ASB11: variants seen among roughly 807,000 people sequenced by gnomAD.
ASB11 encodes the protein ankyrin repeat and SOCS box containing 11, also known as ankyrin repeat and SOCS box protein 11.
In ASB11, 17 loss-of-function variants were observed where a neutral mutation model predicts 20.1. That is an observed-to-expected ratio of 0.85 (90% confidence interval 0.58 to 1.27). ASB11 has a LOEUF of 1.27. Ranked by LOEUF, ASB11 falls within the 50% of genes most tolerant of loss-of-function variation. The pLI is 0.00. For missense variants in ASB11, 259 were observed against 256.9 expected, an observed-to-expected ratio of 1.01 and a Z score of -0.06; for synonymous variants, 107 against 105.6, an observed-to-expected ratio of 1.01 and a Z score of -0.08.
At chrX:15,284,115 G>C (rs778723266) in intron 6 of ASB11, among the ~76,000 whole-genome samples, 1 of 106,757 alleles carries the variant, frequency 9.4e-6, no homozygotes, top group African/African-American at 3.5e-5. Context: ...AGCCGGGTGT[G>C]GTGGCGGGTG....
At chrX:15,292,226 G>A (rs1182101372) in intron 4 of ASB11, among the ~76,000 whole-genome samples, 1 of 111,584 alleles carries the variant, frequency 9.0e-6, no homozygotes. Flanking sequence ...ATCATTTAAA[G>A]TAATCCACTG....
At chrX:15,294,930 T>C (rs1449231304) in intron 3 of ASB11, among the ~76,000 whole-genome samples, 2 of 112,684 alleles carry the variant, frequency 1.8e-5, no homozygotes, top group Non-Finnish European at 3.7e-5. Flanking sequence ...TACTAGGTGC[T>C]AATGTTTTGG....
chrX:15,314,699 G>A (rs1343728399), intron 1 of ASB11: 1 of 385,970 alleles, frequency 2.6e-6, no homozygotes, highest in Non-Finnish European at 3.8e-6. Flanking sequence ...CTCTGTTTAT[G>A]AATAAATACT....
intron 1 of ASB11, among the ~76,000 whole-genome samples, chrX:15,310,151 T>A (rs887460572): frequency 1.8e-5 from 2 of 109,723 alleles, no homozygotes; most frequent in African/African-American, 6.6e-5. Flanking sequence ...CCTGCTTTTC[T>A]ATCCTTGTTC....
intron 2 of ASB11, among the ~76,000 whole-genome samples, chrX:15,300,841 C>T (rs1366014423): frequency 9.0e-6 from 1 of 111,709 alleles, no homozygotes; most frequent in African/African-American, 3.3e-5. Flanking sequence ...ATTTAAAAAG[C>T]CTATTAAAAA....
intron 6 of ASB11, among the ~76,000 whole-genome samples, chrX:15,285,703 G>C (rs1208350697): frequency 9.0e-6 from 1 of 110,859 alleles, no homozygotes; most frequent in African/African-American, 3.3e-5. Context: ...TAATGATCTA[G>C]ACTATTGAAA....
chrX:15,314,621 T>A, intron 1 of ASB11: 1 of 858,528 alleles, frequency 1.2e-6, no homozygotes, highest in Non-Finnish European at 1.5e-6. Flanking sequence ...TTGAAATGGA[T>A]ACTAGATAAA....
At chrX:15,293,965 G>A (rs1258807736) in intron 3 of ASB11, among the ~76,000 whole-genome samples, 1 of 110,231 alleles carries the variant, frequency 9.1e-6, no homozygotes, top group East Asian at 2.8e-4. Context: ...CATGGCACAT[G>A]TATACATATG....
chrX:15,305,548 T>C (rs1255363485), intron 1 of ASB11, among the ~76,000 whole-genome samples: 2 of 110,184 alleles, frequency 1.8e-5, no homozygotes, highest in Non-Finnish European at 3.8e-5. Context: ...CTTGTAACTT[T>C]TCTGTCGGCT....
At chrX:15,286,663 CAAAA>C (rs764801887) in intron 6 of ASB11, among the ~76,000 whole-genome samples, 19,987 of 53,772 alleles carry the variant, frequency 0.37, 2,562 homozygotes, top group South Asian at 0.61. Context: ...GACTCCATCT[CAAAA>C]AAAAAAAAAA....
rs146244200 is a variant in ASB11, at chrX:15,295,998, T to C, written c.369+1576A>G. Among the ~76,000 whole-genome samples, 997 of 112,041 alleles carry C rather than the reference T, an allele frequency of 8.9e-3. 14 individuals are homozygous for C. The highest frequency in any genetic ancestry group is 0.03 in the African/African-American group (935 of 30,929). On this transcript the variant is annotated intron_variant, in intron 3 of 6. Coordinates refer to ENST00000480796, the MANE Select transcript of ASB11 (RefSeq NM_080873.3). ...GGCTCACGCCTGTAATCCCAGCACT[T>C]TGGGAGGCCAAGGCGGGCGGATCAC...
intron 1 of ASB11, among the ~76,000 whole-genome samples, chrX:15,303,519 G>T (rs1342708943): frequency 9.0e-6 from 1 of 111,461 alleles, no homozygotes; most frequent in Non-Finnish European, 1.9e-5. Flanking sequence ...ATTTGATAAT[G>T]AAGACATATC....
intron 2 of ASB11, among the ~76,000 whole-genome samples, chrX:15,298,638 A>T (rs777496544): frequency 1.9e-4 from 21 of 111,739 alleles, no homozygotes; most frequent in Non-Finnish European, 3.8e-4. Context: ...GACCAAAGCA[A>T]GGAGAGCCAC....
At position 15,287,985 on chromosome X, in the gene ASB11, G is replaced by A; in HGVS notation, c.743C>T (p.Thr248Ile). 1 of 1,212,000 alleles carries A rather than the reference G, an allele frequency of 8.3e-7. No individual in the cohort carries two copies. Among genetic ancestry groups the A allele is most frequent in the Middle Eastern group, 2.3e-4 (1 of 4,351 alleles). Residue 248 changes from threonine (T) to isoleucine (I), a missense_variant, in exon 6 of 7, where the codon ACC (threonine) becomes ATC (isoleucine). Coordinates refer to ENST00000480796, the MANE Select transcript of ASB11 (RefSeq NM_080873.3). ...ACGCTTCAGGTTAGCTCCATAGTCG[G>A]TTAGCAGGTGGATGACCTCCACATT... is the stretch of plus-strand genomic sequence containing the variant. Reference protein sequence around the residue: ...QSNVEVIHLLTDYGANLKRRN... With the variant: ...QSNVEVIHLLIDYGANLKRRN...
intron 3 of ASB11, among the ~76,000 whole-genome samples, chrX:15,296,410 A>G (rs150596588): frequency 7.0e-4 from 79 of 112,521 alleles, no homozygotes; most frequent in African/African-American, 2.2e-3. Flanking sequence ...TTAAGCACTT[A>G]AAAACATTGC....
intron 4 of ASB11, chrX:15,289,844 T>C (rs1395283227): frequency 3.3e-6 from 1 of 306,549 alleles, no homozygotes; most frequent in Admixed American, 5.3e-5. Flanking sequence ...GCCAACATGG[T>C]GAAACCCCAT....
chrX:15,295,980 G>A (rs1428382940), intron 3 of ASB11, among the ~76,000 whole-genome samples: 1 of 112,235 alleles, frequency 8.9e-6, no homozygotes, highest in African/African-American at 3.2e-5. Flanking sequence ...GGTGGCTCAC[G>A]CCTGTAATCC....
chrX:15,289,764 C>A (rs1927483445), intron 4 of ASB11, 126 bp from the exon 5 acceptor site: 1 of 793,674 alleles, frequency 1.3e-6, no homozygotes, highest in South Asian at 2.9e-5. Flanking sequence ...TGGCTCACGC[C>A]TGTAATCTCA....
intron 1 of ASB11, 81 bp from the exon 2 acceptor site, chrX:15,302,888 G>A (rs1481563019): frequency 2.3e-6 from 2 of 877,469 alleles, no homozygotes; most frequent in African/African-American, 4.0e-5. Context: ...CACTGTGAGA[G>A]GAGGTTTGGG....
Sources: allele counts gnomAD v4.1 joint callset (sites outside exome capture counted in the v4.1 genomes callset), GRCh38; gene constraint gnomAD v4.1.1; transcripts MANE v1.5; gene names NCBI Gene and HGNC (gene_info 2026-07-23, HGNC 2026-07-21).